The following SNTB1 variants were observed in gnomAD, a reference collection of about 807,000 sequenced individuals.
SNTB1 encodes the protein syntrophin beta 1.
In SNTB1, 36 loss-of-function variants were observed where a neutral mutation model predicts 48.9. The ratio of observed to expected loss-of-function variants is 0.74; its 90% CI spans 0.56 to 0.97. The LOEUF is 0.97. Among genes scored for constraint, SNTB1 ranks in the 50% least tolerant of loss-of-function variants. The pLI is 0.00. For missense variants in SNTB1, 786 were observed against 703.4 expected (o/e 1.12, Z -1.33); for synonymous variants, 299 against 294.6 (o/e 1.01, Z -0.15).
chr8:120,630,083 G>T (rs1163555695), intron 3 of SNTB1, among the ~76,000 whole-genome samples: 1 of 152,202 alleles, frequency 6.6e-6, no homozygotes, highest in Non-Finnish European at 1.5e-5. Flanking sequence ...CAAGAATTAA[G>T]ACCATCAACT....
At chr8:120,802,824 C>A (rs1820252145) in intron 1 of SNTB1, among the ~76,000 whole-genome samples, 1 of 151,986 alleles carries the variant, frequency 6.6e-6, no homozygotes, top group South Asian at 2.1e-4. Context: ...CATACTTAGT[C>A]CCTTTACTCC....
At chr8:120,712,624 C>T (rs1224127250) in intron 1 of SNTB1, among the ~76,000 whole-genome samples, 1 of 152,052 alleles carries the variant, frequency 6.6e-6, no homozygotes, top group Non-Finnish European at 1.5e-5. Context: ...ACGAAAATGT[C>T]ACATTGTAAG....
chr8:120,546,564 C>T lies in SNTB1; in HGVS notation c.1333+2198G>A, dbSNP rs186423936. Among the ~76,000 whole-genome samples the T allele has an allele frequency of 2.0e-4, 30 of 152,252 alleles. No homozygotes were observed. The East Asian group carries it at 3.1e-3, about 16-fold the overall frequency. On this transcript the variant is annotated intron_variant, in intron 5 of 6. Coordinates refer to ENST00000517992, the MANE Select transcript of SNTB1 (RefSeq NM_021021.4). ...GATTTTGGCTCACTGCAACCTCTGC[C>T]TCCTGGGTTCAAGCGATTTTCCTGC...
At chr8:120,678,629 TGGG>T (rs1222067983) in intron 2 of SNTB1, among the ~76,000 whole-genome samples, 2 of 152,372 alleles carry the variant, frequency 1.3e-5, no homozygotes, top group Non-Finnish European at 2.9e-5. Context: ...AATACTGATT[TGGG>T]GCTGCCCAAG....
intron 2 of SNTB1, among the ~76,000 whole-genome samples, chr8:120,679,268 A>G (rs1363434031): frequency 1.3e-5 from 2 of 152,228 alleles, no homozygotes; most frequent in African/African-American, 4.8e-5. Context: ...AAATTGGCAA[A>G]TACAAAAGAA....
chr8:120,735,018 C>G (rs1000922286), intron 1 of SNTB1, among the ~76,000 whole-genome samples: 1 of 152,150 alleles, frequency 6.6e-6, no homozygotes, highest in Non-Finnish European at 1.5e-5. Context: ...TCAGGAAAAG[C>G]AGTCAAACTA....
intron 1 of SNTB1, among the ~76,000 whole-genome samples, chr8:120,750,375 A>C (rs1474975860): frequency 6.6e-6 from 1 of 152,040 alleles, no homozygotes; most frequent in Admixed American, 6.6e-5. Flanking sequence ...CTGCCCCAAC[A>C]CCGATTGATT....
intron 1 of SNTB1, among the ~76,000 whole-genome samples, chr8:120,780,767 G>T (rs911589941): frequency 6.6e-6 from 1 of 152,126 alleles, no homozygotes; most frequent in Non-Finnish European, 1.5e-5. Flanking sequence ...TAAAATTGAA[G>T]AATAAAGCAC....
chr8:120,632,416 C>G, intron 3 of SNTB1, 28 bp downstream of exon 3: 1 of 1,603,784 alleles, frequency 6.2e-7, no homozygotes, highest in Non-Finnish European at 8.5e-7. Context: ...GGGAGGACGA[C>G]TATTACAGAG....
At chr8:120,575,871 A>G (rs1478218060) in intron 3 of SNTB1, among the ~76,000 whole-genome samples, 2 of 152,186 alleles carry the variant, frequency 1.3e-5, no homozygotes, top group African/African-American at 2.4e-5. Context: ...ATTGGACCAG[A>G]TGATCTCTGA....
intron 3 of SNTB1, among the ~76,000 whole-genome samples, chr8:120,609,080 T>C (rs538369871): frequency 6.6e-6 from 1 of 152,326 alleles, no homozygotes; most frequent in African/African-American, 2.4e-5. Flanking sequence ...TTAGGTCACA[T>C]ATGTGTCTAA....
chr8:120,544,098 A>T (rs1401111028), intron 5 of SNTB1, among the ~76,000 whole-genome samples: 1 of 151,836 alleles, frequency 6.6e-6, no homozygotes, highest in Non-Finnish European at 1.5e-5. Flanking sequence ...CTCCATTTTG[A>T]TACTCTTCAT....
chr8:120,694,277 T>G (rs1461686515), intron 1 of SNTB1, among the ~76,000 whole-genome samples: 1 of 152,148 alleles, frequency 6.6e-6, no homozygotes, highest in Admixed American at 6.6e-5. Context: ...TCAATATAGA[T>G]GTAAGGAATA....
At chr8:120,790,711 C>A (rs1820014753) in intron 1 of SNTB1, among the ~76,000 whole-genome samples, 1 of 151,876 alleles carries the variant, frequency 6.6e-6, no homozygotes, top group Non-Finnish European at 1.5e-5. Flanking sequence ...ACCAGGAGAA[C>A]TACAAAACAC....
intron 2 of SNTB1, among the ~76,000 whole-genome samples, chr8:120,683,179 C>A (rs35343845): frequency 1.3e-5 from 2 of 152,054 alleles, no homozygotes; most frequent in Non-Finnish European, 2.9e-5. Flanking sequence ...CCGCACCCGG[C>A]CTGTTTTTAG....
At position 120,669,090 on chromosome 8, in the gene SNTB1, T is replaced by G. The variant is rs557669059; in HGVS notation, c.788+24602A>C. Among the ~76,000 whole-genome samples the G allele has an allele frequency of 3.1e-4, 47 of 152,336 alleles. No homozygotes were observed. The South Asian group carries it at 9.7e-3, about 32-fold the overall frequency. On this transcript the variant is annotated intron_variant, in intron 2 of 6. Coordinates refer to ENST00000517992, the MANE Select transcript of SNTB1 (RefSeq NM_021021.4). ...CTCCATGGGGGCTCCAGCTTTGAGA[T>G]GAGCATTTCATAAAATGTTTGAGGC...
At chr8:120,701,851 T>C (rs912690216) in intron 1 of SNTB1, among the ~76,000 whole-genome samples, 5 of 152,186 alleles carry the variant, frequency 3.3e-5, no homozygotes, top group African/African-American at 1.2e-4. Context: ...AATGTGGAGT[T>C]GAGAGTAAAA....
rs796289711 is a variant in SNTB1 at position 120,575,325 on chromosome 8, G to T, written c.997-100C>A. On this transcript the variant is annotated intron_variant, in intron 3 of 6. Coordinates refer to ENST00000517992, the MANE Select transcript of SNTB1 (RefSeq NM_021021.4). ...ATCAGAGGACTCAGCAATACATTGA[G>T]TGTCTTTTGGTTTGGTTGCAAAATC... 11 of 1,364,568 alleles carry T rather than the reference G, an allele frequency of 8.1e-6. 1 individual carries two copies. In the African/African-American group the frequency reaches 1.6e-4, roughly 20 times the overall value. The allele number at this position is 1,364,568 out of a possible 1,614,324, so 84.5% of individuals were successfully genotyped here. A position where few individuals can be genotyped will look rare whatever the true frequency, so the allele number is the denominator to read the frequency against.
At chr8:120,671,397 TAAG>T (rs1374499040) in intron 2 of SNTB1, among the ~76,000 whole-genome samples, 5 of 152,178 alleles carry the variant, frequency 3.3e-5, no homozygotes, top group Non-Finnish European at 7.3e-5. Context: ...TGTGTTCTTA[TAAG>T]AAGAGGAGAG....
Sources: allele counts gnomAD v4.1 joint callset (sites outside exome capture counted in the v4.1 genomes callset), GRCh38; gene constraint gnomAD v4.1.1; transcripts MANE v1.5; gene names NCBI Gene and HGNC (gene_info 2026-07-23, HGNC 2026-07-21).